AVL9: variants seen among roughly 807,000 people sequenced by gnomAD.
The protein encoded by AVL9 is late secretory pathway protein AVL9 homolog.
A neutral mutation model predicts 79.2 loss-of-function variants in AVL9; 49 were observed. The ratio of observed to expected loss-of-function variants is 0.62; its 90% CI spans 0.49 to 0.79. The LOEUF (loss-of-function observed/expected upper bound fraction) is 0.79. AVL9 is among the 30% of genes least tolerant of loss of function. AVL9 has a pLI of 0.00. For missense variants in AVL9, 682 were observed against 776.8 expected (o/e 0.88, Z 1.45); for synonymous variants, 299 against 280.6 (o/e 1.07, Z -0.65).
At chr7:32,497,481 T>C (rs1257508931) in intron 1 of AVL9, among the ~76,000 whole-genome samples, 2 of 152,200 alleles carry the variant, frequency 1.3e-5, no homozygotes, top group Non-Finnish European at 2.9e-5. Flanking sequence ...CCAGGATAGA[T>C]TAATCAGCTA....
At chr7:32,561,443 T>G (rs1435777120) in intron 10 of AVL9, among the ~76,000 whole-genome samples, 3 of 151,904 alleles carry the variant, frequency 2.0e-5, no homozygotes, top group Non-Finnish European at 4.4e-5. Context: ...CTCTGCTGGC[T>G]TCATACTTCT....
chr7:32,578,782 G>A (rs1265019578), intron 13 of AVL9, among the ~76,000 whole-genome samples: 1 of 152,162 alleles, frequency 6.6e-6, no homozygotes, highest in East Asian at 1.9e-4. Flanking sequence ...ACTCCAGCCT[G>A]GGTAACAGTG....
intron 1 of AVL9, among the ~76,000 whole-genome samples, chr7:32,503,699 T>G (rs1787282459): frequency 6.6e-6 from 1 of 151,494 alleles, no homozygotes; most frequent in Non-Finnish European, 1.5e-5. Flanking sequence ...TTTTTTTGTT[T>G]CGAGACGGAG....
rs1278670017 is a variant in AVL9 at position 32,503,367 on chromosome 7, T to TACAC, written c.93+7566_93+7567insCACA. Among the ~76,000 whole-genome samples, 327 of 88,156 alleles carry TACAC rather than the reference T, an allele frequency of 3.7e-3. 3 individuals are homozygous for TACAC. The highest frequency in any genetic ancestry group is 5.1e-3 in the Admixed American group (38 of 7,436). 57.8% of individuals were successfully genotyped at this position (88,156 alleles called of 152,430 possible). On this transcript the variant is annotated intron_variant, in intron 1 of 15. Coordinates refer to ENST00000318709, the MANE Select transcript of AVL9 (RefSeq NM_015060.3). Reference sequence around the variant, plus strand: ...ATAGATATAGATATAGAGAGATATATATATATACACACACACACACACACA... The same window carrying TACAC: ...ATAGATATAGATATAGAGAGATATATACACATATATACACACACACACACACACA...
intron 1 of AVL9, among the ~76,000 whole-genome samples, chr7:32,507,248 TAAAAGAAA>T (rs1425822422): frequency 1.3e-5 from 2 of 152,170 alleles, no homozygotes; most frequent in African/African-American, 4.8e-5. Flanking sequence ...GCACATTCTT[TAAAAGAAA>T]ATGTTTAATG....
At chr7:32,569,821 GCTAA>G (rs759774592) in intron 10 of AVL9, among the ~76,000 whole-genome samples, 195 bp from the exon 11 acceptor site, 66 of 152,298 alleles carry the variant, frequency 4.3e-4, no homozygotes, top group Non-Finnish European at 6.0e-4. Context: ...GAGACAATTA[GCTAA>G]TCATTAACTG....
chr7:32,511,601 G>C (rs951207034), intron 1 of AVL9, among the ~76,000 whole-genome samples: 1 of 152,060 alleles, frequency 6.6e-6, no homozygotes, highest in African/African-American at 2.4e-5. Context: ...GGTGCCTGAC[G>C]AGCAGGGCGG....
rs1262817731 is a variant in AVL9 at position 32,573,417 on chromosome 7, A to C, written c.1569A>C (p.Leu523Phe). 6.2e-7 allele frequency: 1 copy of C among 1,612,980 alleles called. No homozygotes were observed. Among genetic ancestry groups the C allele is most frequent in the Non-Finnish European group, 8.5e-7 (1 of 1,179,166 alleles). ...IHALLAATLQLDNEKILSDYG... is the reference protein window; with the variant it reads ...IHALLAATLQFDNEKILSDYG... ...CCCTGCTGGCTGCCACACTGCAATT[A>C]GGTAAGAAACCACACGGAGCCTACA... Residue 523 changes from leucine to phenylalanine, a missense_variant and splice_region_variant, in exon 12 of 16, where the codon TTA becomes TTC. Physicochemically the swap from Leu to Phe is conservative, Grantham distance 22. Coordinates refer to ENST00000318709, the MANE Select transcript of AVL9 (RefSeq NM_015060.3).
chr7:32,556,519 A>AAATGAATG (rs1554343042), intron 8 of AVL9, among the ~76,000 whole-genome samples: 2,325 of 149,550 alleles, frequency 0.016, 59 homozygotes, highest in African/African-American at 0.052. Context: ...ATCTCAAAGT[A>AAATGAATG]AATGAATGAA....
chr7:32,506,710 G>C (rs372989877), intron 1 of AVL9, among the ~76,000 whole-genome samples: 87 of 151,270 alleles, frequency 5.8e-4, no homozygotes, highest in African/African-American at 2.0e-3. Flanking sequence ...CCACAAGTTT[G>C]AGACCAGCCT....
intron 10 of AVL9, among the ~76,000 whole-genome samples, chr7:32,568,199 T>G (rs1294726182): frequency 7.5e-6 from 1 of 133,492 alleles, no homozygotes; most frequent in Non-Finnish European, 1.6e-5. Flanking sequence ...ATTCTTTTAT[T>G]TATTTATTTT....
chr7:32,547,975 T>G (rs994902741), intron 3 of AVL9, among the ~76,000 whole-genome samples: 1 of 152,146 alleles, frequency 6.6e-6, no homozygotes, highest in African/African-American at 2.4e-5. Context: ...AGAAGAGGAC[T>G]GTAGAAATCT....
Position 32,559,312 on chromosome 7 carries a change from A to G in AVL9, c.1063A>G (p.Thr355Ala), listed in dbSNP as rs200956543. 31 of 1,614,094 alleles carry G rather than the reference A, an allele frequency of 1.9e-5. No homozygotes were observed. Among genetic ancestry groups the G allele is most frequent in the Non-Finnish European group, 2.5e-5 (30 of 1,180,038 alleles). The change falls in exon 10 of 16, where the codon ACA (threonine) becomes GCA (alanine). Residue 355 changes from threonine to alanine, a missense_variant. Thr to Ala is a moderately conservative substitution (Grantham distance 58). Coordinates refer to ENST00000318709, the MANE Select transcript of AVL9 (RefSeq NM_015060.3). ...KEREQLGSDQ[T>A]NLFPKDSVPS... ...AAGGGAACAGCTGGGATCAGACCAG[A>G]CAAATTTGTTTCCAAAGGACTCTGT... is the stretch of plus-strand genomic sequence containing the variant.
chr7:32,519,918 G>A (rs1418737105), intron 1 of AVL9, among the ~76,000 whole-genome samples: 1 of 152,138 alleles, frequency 6.6e-6, no homozygotes, highest in Non-Finnish European at 1.5e-5. Context: ...CTTCACATGT[G>A]GAAGTGTGAG....
At chr7:32,554,645 C>T (rs773192512) in intron 8 of AVL9, 49 bp downstream of exon 8, 28 of 1,238,956 alleles carry the variant, frequency 2.3e-5, no homozygotes, top group Middle Eastern at 2.2e-4. Flanking sequence ...AACTTTTATT[C>T]ACTTTTTTTT....
intron 1 of AVL9, among the ~76,000 whole-genome samples, chr7:32,529,597 G>T (rs1250483136): frequency 2.0e-5 from 3 of 152,190 alleles, no homozygotes; most frequent in Non-Finnish European, 1.5e-5. Context: ...CCAGTGACTT[G>T]CTCTGGGTTA....
chr7:32,576,176 G>A, intron 13 of AVL9, 104 bp downstream of exon 13: 1 of 801,374 alleles, frequency 1.2e-6, no homozygotes, highest in Non-Finnish European at 2.1e-6. Flanking sequence ...ATATCCTCAA[G>A]AATCCCCTTA....
intron 1 of AVL9, among the ~76,000 whole-genome samples, chr7:32,506,311 A>C (rs2044837): frequency 0.17 from 25,550 of 152,152 alleles, 2,779 homozygotes; most frequent in Admixed American, 0.3. Context: ...CAACATCACT[A>C]CTCTTGGGCT....
intron 10 of AVL9, among the ~76,000 whole-genome samples, chr7:32,560,458 C>T (rs1356104452): frequency 1.3e-5 from 2 of 152,130 alleles, no homozygotes; most frequent in Non-Finnish European, 2.9e-5. Context: ...CCTTATTCAT[C>T]CCTAAGAAGC....
Sources: gnomAD v4.1 joint callset for allele counts (sites outside exome capture counted in the v4.1 genomes callset) on GRCh38, gnomAD v4.1.1 for gene constraint, MANE v1.5 for transcripts, NCBI Gene and HGNC (gene_info 2026-07-23, HGNC 2026-07-21) for gene names.